The following RPH3A variants were observed in gnomAD, a reference collection of about 807,000 sequenced individuals.
RPH3A encodes rabphilin 3A.
In RPH3A, 48 loss-of-function variants were observed where a neutral mutation model predicts 102.2. The observed-to-expected ratio is 0.47, with a 90% CI of 0.37 to 0.60. The LOEUF (loss-of-function observed/expected upper bound fraction) is 0.60. Among genes scored for constraint, RPH3A ranks in the 20% least tolerant of loss-of-function variants. The pLI, the probability that RPH3A is intolerant of heterozygous loss-of-function variation, is 0.00. For missense variants in RPH3A, 781 were observed against 910.1 expected (o/e 0.86, Z 1.83); for synonymous variants, 310 against 324.3 (o/e 0.96, Z 0.47).
At chr12:112,863,232 A>G (rs1424640830) in intron 5 of RPH3A, among the ~76,000 whole-genome samples, 3 of 152,212 alleles carry the variant, frequency 2.0e-5, no homozygotes, top group Non-Finnish European at 4.4e-5. Flanking sequence ...CAGAATCTGC[A>G]TTTTAACAGA....
At chr12:112,858,266 CAAAAAAAAAAAAAAA>C (rs1164602599) in intron 5 of RPH3A, among the ~76,000 whole-genome samples, 3 of 44,768 alleles carry the variant, frequency 6.7e-5, no homozygotes, top group Non-Finnish European at 1.1e-4. Context: ...GACCCTGTCT[CAAAAAAAAAAAAAAA>C]AAAAAAAAAA....
chr12:112,757,523 C>T (rs990402116), intron 1 of RPH3A, among the ~76,000 whole-genome samples: 8 of 152,134 alleles, frequency 5.3e-5, no homozygotes, highest in African/African-American at 1.7e-4. Context: ...ATGCTGATTA[C>T]CCCGATTTGG....
rs376509911 is a variant in RPH3A at position 112,883,355 on chromosome 12, C to T, written c.1389C>T (p.Leu463=). ...GGAACCCCATCTGGAATGAGACCCT[C>T]GTGTATCACGGCATCACCGATGAGG... ...NTRNPIWNET[L]VYHGITDEDM... is the part of the protein sequence containing the mutation. The change falls in exon 16 of 22, where the codon CTC becomes CTT. Residue 463 remains leucine, a synonymous_variant. Coordinates refer to ENST00000389385, the MANE Select transcript of RPH3A (RefSeq NM_001143854.2). 89 of 1,614,092 alleles carry T rather than the reference C, an allele frequency of 5.5e-5. No individual in the cohort carries two copies. Among genetic ancestry groups the T allele is most frequent in the Non-Finnish European group, 7.3e-5 (86 of 1,180,008 alleles).
At chr12:112,695,543 G>A (rs768964181) in intron 1 of RPH3A, among the ~76,000 whole-genome samples, 2 of 152,242 alleles carry the variant, frequency 1.3e-5, no homozygotes, top group Non-Finnish European at 2.9e-5. Flanking sequence ...CTTAAGCCAA[G>A]TCTGATTCCT....
intron 1 of RPH3A, among the ~76,000 whole-genome samples, chr12:112,578,588 C>T (rs1371127585): frequency 1.3e-5 from 2 of 152,102 alleles, no homozygotes; most frequent in Non-Finnish European, 2.9e-5. Flanking sequence ...AAAACATGGC[C>T]CGAGAAGGAC....
chr12:112,583,371 A>G (rs2039413973), intron 1 of RPH3A, among the ~76,000 whole-genome samples: 1 of 152,186 alleles, frequency 6.6e-6, no homozygotes, highest in East Asian at 1.9e-4. Flanking sequence ...TTCTTTTCTC[A>G]AGGTCAGATA....
At chr12:112,622,037 C>T (rs1309250338) in intron 1 of RPH3A, among the ~76,000 whole-genome samples, 6 of 150,694 alleles carry the variant, frequency 4.0e-5, no homozygotes. Flanking sequence ...GAAAGGACAT[C>T]CACACCGAAA....
chr12:112,864,308 C>T (rs1336731605), intron 5 of RPH3A, among the ~76,000 whole-genome samples: 2 of 152,040 alleles, frequency 1.3e-5, no homozygotes, highest in Non-Finnish European at 2.9e-5. Context: ...AAAATTAGCC[C>T]AGCATGGCAG....
chr12:112,643,281 C>A (rs1417415396), intron 1 of RPH3A, among the ~76,000 whole-genome samples: 1 of 152,190 alleles, frequency 6.6e-6, no homozygotes, highest in Non-Finnish European at 1.5e-5. Context: ...GAGGATAGAA[C>A]CATGACTCAT....
At chr12:112,840,578 A>T (rs887619095) in intron 4 of RPH3A, among the ~76,000 whole-genome samples, 17 of 152,080 alleles carry the variant, frequency 1.1e-4, no homozygotes, top group Non-Finnish European at 2.5e-4. Flanking sequence ...CTGGCTCACC[A>T]AGTGGATCTT....
At chr12:112,669,623 C>T (rs943163390) in intron 1 of RPH3A, among the ~76,000 whole-genome samples, 1 of 152,168 alleles carries the variant, frequency 6.6e-6, no homozygotes. Context: ...GTTTTCTTGG[C>T]CTACTTTCAG....
intron 1 of RPH3A, among the ~76,000 whole-genome samples, chr12:112,674,992 G>A (rs1441474663): frequency 6.6e-6 from 1 of 152,130 alleles, no homozygotes; most frequent in Non-Finnish European, 1.5e-5. Context: ...GGTCCCTGGG[G>A]CAGCTTCCAA....
intron 2 of RPH3A, among the ~76,000 whole-genome samples, chr12:112,819,208 C>T (rs566826798): frequency 5.9e-5 from 9 of 151,958 alleles, no homozygotes; most frequent in South Asian, 2.1e-4. Flanking sequence ...TGGGTTCAAG[C>T]GATTCTTGTG....
chr12:112,858,462 T>C (rs947890397), intron 5 of RPH3A, among the ~76,000 whole-genome samples: 2 of 152,062 alleles, frequency 1.3e-5, no homozygotes, highest in African/African-American at 4.8e-5. Context: ...CCAGCCATGC[T>C]GAGCACCTCT....
At chr12:112,660,935 C>T (rs777890443) in intron 1 of RPH3A, among the ~76,000 whole-genome samples, 1 of 152,154 alleles carries the variant, frequency 6.6e-6, no homozygotes, top group Non-Finnish European at 1.5e-5. Context: ...GGAGAATAGA[C>T]AAGCTCTGGT....
intron 1 of RPH3A, among the ~76,000 whole-genome samples, chr12:112,668,774 T>A (rs1488560009): frequency 1.3e-5 from 2 of 151,932 alleles, no homozygotes; most frequent in East Asian, 3.9e-4. Context: ...TGTATACCTA[T>A]GTAACAAACC....
intron 1 of RPH3A, among the ~76,000 whole-genome samples, chr12:112,650,444 C>A (rs906013452): frequency 6.6e-6 from 1 of 152,298 alleles, no homozygotes; most frequent in Non-Finnish European, 1.5e-5. Flanking sequence ...TTCCTCTTTT[C>A]ATTGAACTAA....
Position 112,866,853 on chromosome 12 carries a change from G to C in RPH3A, c.444+13G>C, listed in dbSNP as rs1474070182. Reference sequence around the variant, plus strand: ...TGAGCAGAGGGAGGTGAGTGCCCTGGTCCCACCTGGTGCCTAGATCACCCT... The same window carrying C: ...TGAGCAGAGGGAGGTGAGTGCCCTGCTCCCACCTGGTGCCTAGATCACCCT... On this transcript the variant is annotated intron_variant, in intron 7 of 21. Coordinates refer to ENST00000389385, the MANE Select transcript of RPH3A (RefSeq NM_001143854.2). The C allele has an allele frequency of 7.5e-6, 12 of 1,596,822 alleles. No individual in the cohort carries two copies. The highest frequency in any genetic ancestry group is 1.3e-5 in the African/African-American group (1 of 74,610).
intron 1 of RPH3A, among the ~76,000 whole-genome samples, chr12:112,685,877 T>C (rs1484465543): frequency 1.3e-5 from 2 of 152,238 alleles, no homozygotes; most frequent in Admixed American, 1.3e-4. Flanking sequence ...TGTGATCAAC[T>C]GGCAGATTTT....
Sources: gnomAD v4.1 joint callset for allele counts (sites outside exome capture counted in the v4.1 genomes callset) on GRCh38, gnomAD v4.1.1 for gene constraint, MANE v1.5 for transcripts, NCBI Gene and HGNC (gene_info 2026-07-23, HGNC 2026-07-21) for gene names.